NCOR2: variants seen among roughly 807,000 people sequenced by gnomAD.
NCOR2 encodes the protein nuclear receptor corepressor 2.
A neutral mutation model predicts 262.9 loss-of-function variants in NCOR2; 81 were observed. The observed-to-expected ratio is 0.31, with a 90% CI of 0.26 to 0.37. NCOR2 has a LOEUF of 0.37. Among genes scored for constraint, NCOR2 ranks in the 10% least tolerant of loss-of-function variants. The pLI, the probability that NCOR2 is intolerant of heterozygous loss-of-function variation, is 1.00. For synonymous variants in NCOR2, 1,659 were observed against 1,559.3 expected (o/e 1.06, Z -1.51); for missense variants, 3,385 against 3,621.4 (o/e 0.93, Z 1.68).
intron 1 of NCOR2, among the ~76,000 whole-genome samples, chr12:124,507,231 T>C (rs559352850): frequency 3.9e-4 from 59 of 152,264 alleles, no homozygotes; most frequent in African/African-American, 1.3e-3. Flanking sequence ...TTAACAGATA[T>C]AGCGATTCAG....
rs767202051 is a variant in NCOR2, at chr12:124,363,803, C to T, written c.2808-4G>A. On this transcript the variant is annotated splice_region_variant and splice_polypyrimidine_tract_variant and intron_variant, in intron 20 of 46. Coordinates refer to ENST00000405201, the Ensembl canonical transcript of NCOR2. Reference sequence around the variant, plus strand: ...GCTGGGCCTTGGGGACAGCAGCCTGCGGGCACACGAGCACCATCAGCTGGG... The same window carrying T: ...GCTGGGCCTTGGGGACAGCAGCCTGTGGGCACACGAGCACCATCAGCTGGG... 1.9e-5 allele frequency: 25 copies of T among 1,341,684 alleles called. No homozygotes were observed. The highest frequency in any genetic ancestry group is 6.0e-5 in the Admixed American group (2 of 33,492). The allele number at this position is 1,341,684 out of a possible 1,614,324, so 83.1% of individuals were successfully genotyped here.
chr12:124,374,371 C>CG, intron 19 of NCOR2, 42 bp downstream of exon 21: 2 of 1,600,426 alleles, frequency 1.2e-6, no homozygotes, highest in Admixed American at 3.4e-5. Flanking sequence ...ATGCCCGCCC[C>CG]GGCCCGGCCC....
At chr12:124,415,220 C>A (rs1000654867) in intron 13 of NCOR2, among the ~76,000 whole-genome samples, 2 of 152,222 alleles carry the variant, frequency 1.3e-5, no homozygotes, top group Non-Finnish European at 2.9e-5. Flanking sequence ...ACCACCACTG[C>A]CTGCACCTCC....
At chr12:124,561,640 C>G (rs554423691) in intron 1 of NCOR2, among the ~76,000 whole-genome samples, 2 of 152,228 alleles carry the variant, frequency 1.3e-5, no homozygotes, top group Admixed American at 1.3e-4. Flanking sequence ...GAGGGCACAC[C>G]AGGCTAGGTT....
Position 124,457,290 on chromosome 12 carries a change from GA to G in NCOR2, c.706-129del. On this transcript the variant is annotated intron_variant, in intron 5 of 46. Transcript: ENST00000405201. This position sits in a 1 kb window ranked among gnomAD's most constrained non-coding sequence, Gnocchi z 4.0. ...CAGCATGCTGATCCTCAGCACGGGG[GA>G]GGGAGGCCCGGGGCCCCCTGCAGGC... 9.3e-7 allele frequency: 1 copy of G among 1,071,848 alleles called. No individual in the cohort carries two copies. Among genetic ancestry groups the G allele is most frequent in the Non-Finnish European group, 1.3e-6 (1 of 773,466 alleles). The allele number at this position is 1,071,848 out of a possible 1,614,324, so 66.4% of individuals were successfully genotyped here.
At chr12:124,335,016 C>A in intron 40 of NCOR2, 119 bp downstream of exon 42, 3 of 1,495,874 alleles carry the variant, frequency 2.0e-6, no homozygotes, top group Non-Finnish European at 1.8e-6. Flanking sequence ...CAGCGCCATG[C>A]CCTGGATCCC....
chr12:124,344,710 C>G, exon 32 of NCOR2: 1 of 1,537,994 alleles, frequency 6.5e-7, no homozygotes, highest in Non-Finnish European at 8.8e-7. Flanking sequence ...CCGCGGCTTA[C>G]CCAGCTCAGG....
At chr12:124,478,497 A>G (rs1188501986) in intron 3 of NCOR2, among the ~76,000 whole-genome samples, 1 of 152,200 alleles carries the variant, frequency 6.6e-6, no homozygotes, top group Non-Finnish European at 1.5e-5. Flanking sequence ...GGGGGCACAC[A>G]CAGAAAAATC....
At chr12:124,466,226 G>A in exon 5 of NCOR2, 1 of 1,610,522 alleles carries the variant, frequency 6.2e-7, no homozygotes, top group Non-Finnish European at 8.5e-7. Flanking sequence ...GACTCGATGG[G>A]CGGCGGTGAC....
chr12:124,326,812 T>C (rs2034694496), intron 45 of NCOR2, among the ~76,000 whole-genome samples: 1 of 152,014 alleles, frequency 6.6e-6, no homozygotes, highest in Admixed American at 6.5e-5. Flanking sequence ...TCCAGAAGCT[T>C]CTTGGGGCCT....
chr12:124,494,999 G>C (rs761258996), intron 1 of NCOR2, 148 bp downstream of exon 3: 7 of 905,470 alleles, frequency 7.7e-6, no homozygotes, highest in African/African-American at 1.7e-5. Flanking sequence ...TCAGACACCA[G>C]GGGTCTCTGT....
chr12:124,372,181 G>T (rs1199362391), exon 20 of NCOR2: 1 of 1,601,412 alleles, frequency 6.2e-7, no homozygotes. Context: ...CGTGGCCTCA[G>T]CGGCCTCCGC....
At chr12:124,369,806 C>T (rs1188382477) in intron 20 of NCOR2, among the ~76,000 whole-genome samples, 4 of 152,098 alleles carry the variant, frequency 2.6e-5, no homozygotes, top group Admixed American at 6.5e-5. Context: ...AGGCCCAGCT[C>T]GGGGAGGGAG....
At chr12:124,565,417 C>A (rs982555809) in intron 1 of NCOR2, among the ~76,000 whole-genome samples, 2 of 152,172 alleles carry the variant, frequency 1.3e-5, no homozygotes, top group African/African-American at 4.8e-5. Flanking sequence ...GGCTCCACCC[C>A]CCCTTCATTG....
intron 14 of NCOR2, among the ~76,000 whole-genome samples, chr12:124,402,054 T>C (rs1565910653): frequency 6.6e-6 from 1 of 152,100 alleles, no homozygotes; most frequent in Non-Finnish European, 1.5e-5. Context: ...TCCTGGCGCC[T>C]CAGGAGGAAA....
At chr12:124,346,501 G>C in intron 31 of NCOR2, 63 bp downstream of exon 33, 2 of 1,425,962 alleles carry the variant, frequency 1.4e-6, no homozygotes, top group Non-Finnish European at 1.8e-6. Flanking sequence ...GCCCAGGGCA[G>C]TGCCCCACAG....
At chr12:124,325,512 G>A in exon 47 of NCOR2, 4 of 1,357,106 alleles carry the variant, frequency 2.9e-6, no homozygotes, top group Middle Eastern at 2.3e-4. Context: ...GGGAGGCCCG[G>A]TGGGGGTGGG....
At chr12:124,371,600 C>G (rs951192739) in intron 20 of NCOR2, among the ~76,000 whole-genome samples, 1 of 152,182 alleles carries the variant, frequency 6.6e-6, no homozygotes, top group South Asian at 2.1e-4. Context: ...CTGGAAGAGG[C>G]GGGATGGATC....
exon 34 of NCOR2, chr12:124,341,984 G>A (rs750708417): frequency 1.1e-5 from 17 of 1,613,336 alleles, no homozygotes; most frequent in African/African-American, 9.3e-5. Context: ...CAGCGCCGCC[G>A]TGTCGGGGTA....
Sources: allele counts gnomAD v4.1 joint callset (sites outside exome capture counted in the v4.1 genomes callset), GRCh38; gene constraint gnomAD v4.1.1; non-coding constraint Gnocchi (gnomAD v3.1); transcripts MANE v1.5; gene names NCBI Gene and HGNC (gene_info 2026-07-23, HGNC 2026-07-21).